The following RAPH1 variants were observed in gnomAD, a reference collection of about 807,000 sequenced individuals.
RAPH1 encodes ras-associated and pleckstrin homology domains-containing protein 1.
A neutral mutation model predicts 88.1 loss-of-function variants in RAPH1; 18 were observed. That is an observed-to-expected ratio of 0.20 (90% CI 0.14 to 0.30). RAPH1 has a LOEUF of 0.30. Ranked by LOEUF, RAPH1 falls within the 10% of genes least tolerant of loss-of-function variation. RAPH1 has a pLI of 1.00. For missense variants in RAPH1, 1,448 were observed against 1,543.2 expected (o/e 0.94, Z 1.03); for synonymous variants, 587 against 559.0 (o/e 1.05, Z -0.71).
chr2:203,531,974 C>T (rs1370282484), intron 1 of RAPH1, among the ~76,000 whole-genome samples: 1 of 152,108 alleles, frequency 6.6e-6, no homozygotes, highest in African/African-American at 2.4e-5. Context: ...TCACAGTACC[C>T]CAAAGGTGGA....
rs563344471 is a variant in RAPH1, at chr2:203,434,232, C to T, written c.*5205G>A. ...GAATAATAATGTCCTCTACCTGGTA[C>T]ATTATAATGAAGTTCCTTGTCTTCT... On this transcript the variant is annotated 3_prime_UTR_variant, in exon 14 of 14. Transcript: ENST00000319170. The T allele has an allele frequency of 4.6e-5, 7 of 152,656 alleles. No homozygotes were observed. Among genetic ancestry groups the T allele is most frequent in the African/African-American group, 1.7e-4 (7 of 41,526 alleles). 9.5% of individuals were successfully genotyped at this position (152,656 alleles called of 1,614,324 possible). A position where few individuals can be genotyped will look rare whatever the true frequency, so the allele number is the denominator to read the frequency against.
intron 4 of RAPH1, among the ~76,000 whole-genome samples, chr2:203,468,936 A>G (rs896800558): frequency 9.8e-5 from 15 of 152,332 alleles, no homozygotes; most frequent in South Asian, 8.3e-4. Flanking sequence ...AGCAAAGATG[A>G]TCAGAGGGCT....
At position 203,435,375 on chromosome 2, in the gene RAPH1, A is replaced by G. The variant is rs1445446429; in HGVS notation, c.*4062T>C. 1.3e-5 allele frequency: 2 copies of G among 151,804 alleles called. No homozygotes were observed. Among genetic ancestry groups the G allele is most frequent in the Non-Finnish European group, 2.9e-5 (2 of 67,986 alleles). 9.4% of individuals were successfully genotyped at this position (151,804 alleles called of 1,614,324 possible). A position where few individuals can be genotyped will look rare whatever the true frequency, so the allele number is the denominator to read the frequency against. On this transcript the variant is annotated 3_prime_UTR_variant, in exon 14 of 14. Coordinates refer to ENST00000319170, the MANE Select transcript of RAPH1 (RefSeq NM_213589.3). ...GTGAGACCCCCATCTCTACCAAAAA[A>G]AAAAAAAAACCTTAAAAGATAATAA...
intron 1 of RAPH1, among the ~76,000 whole-genome samples, chr2:203,512,957 T>C (rs991252753): frequency 6.6e-6 from 1 of 152,152 alleles, no homozygotes; most frequent in African/African-American, 2.4e-5. Flanking sequence ...TTCTGGTCCA[T>C]AAGAAATCTC....
At chr2:203,508,137 G>A (rs147870532) in intron 1 of RAPH1, among the ~76,000 whole-genome samples, 35 of 148,936 alleles carry the variant, frequency 2.3e-4, no homozygotes, top group African/African-American at 7.1e-4. Context: ...GGAGAATGGC[G>A]TAAACCCGGG....
Position 203,448,157 on chromosome 2 carries a change from T to C in RAPH1, c.1513-78A>G. On this transcript the variant is annotated intron_variant, in intron 11 of 13. Transcript: ENST00000319170. This position sits in a 1 kb window ranked among gnomAD's most constrained non-coding sequence, Gnocchi z 4.1. ...GAAGGATAAGGTGAAATGGGGGACATATTTCTGTTTACTGATTGATGGTCT... is the reference window on the plus strand; with the variant it reads ...GAAGGATAAGGTGAAATGGGGGACACATTTCTGTTTACTGATTGATGGTCT... 2.2e-6 allele frequency: 3 copies of C among 1,379,024 alleles called. No individual in the cohort carries two copies. The highest frequency in any genetic ancestry group is 2.6e-5 in the South Asian group (2 of 76,136). 85.4% of individuals were successfully genotyped at this position (1,379,024 alleles called of 1,614,324 possible).
intron 1 of RAPH1, among the ~76,000 whole-genome samples, chr2:203,521,390 G>A (rs1689861764): frequency 6.6e-6 from 1 of 152,022 alleles, no homozygotes; most frequent in African/African-American, 2.4e-5. Context: ...AATATATATT[G>A]TTTATATAAA....
At chr2:203,494,130 G>C (rs60627764) in intron 2 of RAPH1, among the ~76,000 whole-genome samples, 1 of 151,962 alleles carries the variant, frequency 6.6e-6, no homozygotes, top group Non-Finnish European at 1.5e-5. Flanking sequence ...GATTGCTGCA[G>C]AAATAAGCTG....
intron 2 of RAPH1, among the ~76,000 whole-genome samples, chr2:203,494,604 C>A (rs1027472900): frequency 4.6e-5 from 7 of 151,796 alleles, no homozygotes; most frequent in South Asian, 2.1e-4. Context: ...GTCAGGAGAT[C>A]GAGACCATCC....
chr2:203,459,780 A>C, intron 7 of RAPH1, 127 bp downstream of exon 7: 1 of 943,044 alleles, frequency 1.1e-6, no homozygotes. Context: ...TGATGCTCCT[A>C]TAGGATTTTG....
intron 1 of RAPH1, among the ~76,000 whole-genome samples, chr2:203,534,376 A>C (rs1690516443): frequency 1.3e-5 from 2 of 152,094 alleles, no homozygotes; most frequent in African/African-American, 4.8e-5. Context: ...GCTTGTAAGC[A>C]ATAAGGTTTA....
At chr2:203,518,467 G>A (rs1034806193) in intron 1 of RAPH1, among the ~76,000 whole-genome samples, 1 of 151,318 alleles carries the variant, frequency 6.6e-6, no homozygotes, top group African/African-American at 2.4e-5. Flanking sequence ...GTAGTGAGCC[G>A]AGATCGCACC....
chr2:203,459,160 C>T (rs528546552), intron 7 of RAPH1, among the ~76,000 whole-genome samples: 1 of 152,274 alleles, frequency 6.6e-6, no homozygotes, highest in South Asian at 2.1e-4. Context: ...TGAGCCATTG[C>T]GCCTGGCCTG....
intron 9 of RAPH1, among the ~76,000 whole-genome samples, chr2:203,454,833 CAATAATG>C (rs1274423186): frequency 6.6e-6 from 1 of 151,996 alleles, no homozygotes; most frequent in Non-Finnish European, 1.5e-5. Flanking sequence ...ACATTAAAAA[CAATAATG>C]TATAATAGAG....
At chr2:203,530,065 A>G (rs879423532) in intron 1 of RAPH1, among the ~76,000 whole-genome samples, 2 of 152,228 alleles carry the variant, frequency 1.3e-5, no homozygotes, top group African/African-American at 4.8e-5. Flanking sequence ...AACAGTATGC[A>G]TTTTATTAAG....
At chr2:203,508,353 G>A (rs999259806) in intron 1 of RAPH1, among the ~76,000 whole-genome samples, 2 of 151,738 alleles carry the variant, frequency 1.3e-5, no homozygotes, top group African/African-American at 4.8e-5. Context: ...GGCTGGTCTC[G>A]AACTCCCAAC....
At position 203,523,392 on chromosome 2, in the gene RAPH1, C is replaced by CAA. The variant is rs372951126; in HGVS notation, c.-1+11717_-1+11718dup. On this transcript the variant is annotated intron_variant, in intron 1 of 13. Transcript: ENST00000319170. ...TGGGTGAAAGAGCGAGACTCTGTCTCAAAAAAAAAAAAAAACCACGTCAGA... is the reference window on the plus strand; with the variant it reads ...TGGGTGAAAGAGCGAGACTCTGTCTCAAAAAAAAAAAAAAAAACCACGTCAGA... Among the ~76,000 whole-genome samples the CAA allele has an allele frequency of 9.1e-3, 902 of 99,344 alleles. 2 individuals are homozygous for CAA. Among genetic ancestry groups the CAA allele is most frequent in the Non-Finnish European group, 0.013 (651 of 48,316 alleles). 65.2% of individuals were successfully genotyped at this position (99,344 alleles called of 152,430 possible).
chr2:203,444,139 AAAG>A (rs951423627), intron 13 of RAPH1: 4 of 123,558 alleles, frequency 3.2e-5, no homozygotes, highest in Non-Finnish European at 4.7e-5. Context: ...GAAGAGAAAA[AAAG>A]AGAGAGAGAG....
At chr2:203,520,186 C>T (rs1689800780) in intron 1 of RAPH1, among the ~76,000 whole-genome samples, 2 of 151,856 alleles carry the variant, frequency 1.3e-5, no homozygotes, top group African/African-American at 2.4e-5. Flanking sequence ...AAAATAATTA[C>T]CCAGGCCTGG....
Sources: allele counts gnomAD v4.1 joint callset (sites outside exome capture counted in the v4.1 genomes callset), GRCh38; gene constraint gnomAD v4.1.1; non-coding constraint Gnocchi (gnomAD v3.1); transcripts MANE v1.5; gene names NCBI Gene and HGNC (gene_info 2026-07-23, HGNC 2026-07-21).